The following NLRP2 variants were observed in gnomAD, a reference collection of about 807,000 sequenced individuals.
The protein encoded by NLRP2 is NACHT, LRR and PYD domains-containing protein 2.
NLRP2 carries 107 observed loss-of-function variants against 97.2 expected under a neutral mutation model. The ratio of observed to expected loss-of-function variants is 1.10; its 90% confidence interval spans 0.94 to 1.29. NLRP2 has a LOEUF of 1.29. NLRP2 is among the 50% of genes most tolerant of loss of function. The pLI, the probability that NLRP2 is intolerant of heterozygous loss-of-function variation, is 0.00. For synonymous variants in NLRP2, 663 were observed against 551.5 expected, an observed-to-expected ratio of 1.20 and a Z score of -2.83; for missense variants, 1,495 against 1,330.3, an observed-to-expected ratio of 1.12 and a Z score of -1.93.
chr19:54,980,055 G>A (rs775683410), intron 4 of NLRP2, among the ~76,000 whole-genome samples: 20 of 152,024 alleles, frequency 1.3e-4, no homozygotes, highest in Non-Finnish European at 2.5e-4. Flanking sequence ...GATGACAGGC[G>A]TGAGCCACTG....
chr19:54,969,526 G>A (rs1178304339), intron 1 of NLRP2, among the ~76,000 whole-genome samples: 1 of 151,170 alleles, frequency 6.6e-6, no homozygotes, highest in Non-Finnish European at 1.5e-5. Context: ...GTGGTGGTGG[G>A]TGCCCATAAT....
At position 54,983,691 on chromosome 19, in the gene NLRP2, A is replaced by G. The variant is rs1424780558; in HGVS notation, c.1993A>G (p.Asn665Asp). ...GGTAATAAAGGAGAATCTCCCGGAG[A>G]ATGTCACTGCGTCTGAATCAGACGC... ...LQVIKENLPE[N>D]VTASESDAEV... The change falls in exon 6 of 13, where the codon AAT becomes GAT. Residue 665 changes from asparagine to aspartate, a missense_variant. Transcript: ENST00000448584. 1 of 1,613,350 alleles carries G rather than the reference A, an allele frequency of 6.2e-7. No individual in the cohort carries two copies. The highest frequency in any genetic ancestry group is 8.5e-7 in the Non-Finnish European group (1 of 1,180,006).
rs753543825 is a variant in NLRP2, at chr19:54,990,150, A to C, written c.2495A>C (p.Tyr832Ser). The change falls in exon 9 of 13, where the codon TAC becomes TCC. Residue 832 changes from tyrosine (Y) to serine (S), a missense_variant. Physicochemically the swap from Tyr to Ser is moderately radical, Grantham distance 144. Transcript: ENST00000448584. ...ELLDEGAKLL[Y>S]TTLRHPKCFL... ...CTGGATGAGGGTGCTAAGTTGCTGT[A>C]CACAACTTTGAGACACCCCAAGTGC... 6 of 1,614,110 alleles carry C rather than the reference A, an allele frequency of 3.7e-6. No individual in the cohort carries two copies. The Admixed American group carries it at 1.0e-4, about 27-fold the overall frequency.
At chr19:54,989,590 G>A (rs1364501379) in intron 8 of NLRP2, 1 of 277,662 alleles carries the variant, frequency 3.6e-6, no homozygotes, top group Admixed American at 4.8e-5. Flanking sequence ...CCACTGGTCT[G>A]ACCACCCTTT....
chr19:55,000,592 T>A (rs1427265971), intron 12 of NLRP2, among the ~76,000 whole-genome samples, 168 bp from the exon 13 acceptor site: 1,334 of 119,890 alleles, frequency 0.011, 15 homozygotes, highest in African/African-American at 0.038. Flanking sequence ...GACTGTCTTT[T>A]AAAAAAAAAA....
intron 3 of NLRP2, among the ~76,000 whole-genome samples, chr19:54,976,401 G>T (rs556147349): frequency 2.7e-5 from 4 of 150,732 alleles, no homozygotes; most frequent in Non-Finnish European, 5.9e-5. Context: ...ACCCAGGCTG[G>T]AGTGCAGTGG....
intron 6 of NLRP2, 138 bp from the exon 7 acceptor site, chr19:54,984,909 T>C: frequency 1.2e-6 from 1 of 807,352 alleles, no homozygotes; most frequent in Non-Finnish European, 2.2e-6. Context: ...AGTTGTCTGA[T>C]GGTGGTGCTA....
chr19:54,994,828 C>G (rs1390989625), intron 11 of NLRP2, among the ~76,000 whole-genome samples: 1 of 151,692 alleles, frequency 6.6e-6, no homozygotes, highest in East Asian at 2.0e-4. Context: ...AGGTTCATCT[C>G]AAACTCCTGA....
chr19:54,989,381 A>T (rs888297733), intron 8 of NLRP2, among the ~76,000 whole-genome samples: 1 of 152,048 alleles, frequency 6.6e-6, no homozygotes, highest in Admixed American at 6.6e-5. Context: ...CTGAGGCGGG[A>T]GAATCTCTTG....
Position 54,982,971 on chromosome 19 carries a change from C to G in NLRP2, c.1273C>G (p.Arg425Gly), listed in dbSNP as rs780979692. Residue 425 changes from arginine (R) to glycine (G), a missense_variant, in exon 6 of 13, where the codon CGC becomes GGC. Arg to Gly is a moderately radical substitution (Grantham distance 125). Transcript: ENST00000448584. Reference protein sequence around the residue: ...GEDPVPTCLTRTGLFLRFLCS... With the variant: ...GEDPVPTCLTGTGLFLRFLCS... ...GGACCCGGTCCCCACCTGCCTCACCCGCACGGGGCTGTTCCTGCGTTTCCT... is the reference window on the plus strand; with the variant it reads ...GGACCCGGTCCCCACCTGCCTCACCGGCACGGGGCTGTTCCTGCGTTTCCT... 1 of 1,611,438 alleles carries G rather than the reference C, an allele frequency of 6.2e-7. No individual in the cohort carries two copies. The highest frequency in any genetic ancestry group is 8.5e-7 in the Non-Finnish European group (1 of 1,179,666).
rs761373612 is a variant in NLRP2 at position 54,982,576 on chromosome 19, T to C, written c.878T>C (p.Leu293Pro). 2 of 1,614,170 alleles carry C rather than the reference T, an allele frequency of 1.2e-6. No homozygotes were observed. Among genetic ancestry groups the C allele is most frequent in the Non-Finnish European group, 8.5e-7 (1 of 1,180,020 alleles). ...TTCGTGATTGACGGCTTTGATGAGC[T>C]GGGAGCCGCACCTGGGGCGCTGATC... Reference protein sequence around the residue: ...ILFVIDGFDELGAAPGALIED... With the variant: ...ILFVIDGFDEPGAAPGALIED... Residue 293 changes from leucine (L) to proline (P), a missense_variant, in exon 6 of 13, where the codon CTG becomes CCG. By Grantham distance (98) the Leu-to-Pro change is moderately conservative. Coordinates refer to ENST00000448584, the MANE Select transcript of NLRP2 (RefSeq NM_017852.5).
intron 11 of NLRP2, among the ~76,000 whole-genome samples, chr19:54,996,054 CA>C (rs1013592892): frequency 6.0e-5 from 7 of 115,900 alleles, no homozygotes; most frequent in Non-Finnish European, 1.1e-4. Context: ...AAAAAAAAAA[CA>C]AAAAAAACAA....
Position 54,974,687 on chromosome 19 carries a change from G to C in NLRP2, c.325+143G>C, listed in dbSNP as rs703469. The C allele has an allele frequency of 1.4e-3, 989 of 692,106 alleles. 5 individuals carry two copies. The African/African-American group carries it at 0.016, about 11-fold the overall frequency. The allele number at this position is 692,106 out of a possible 1,614,324, so 42.9% of individuals were successfully genotyped here. A position where few individuals can be genotyped will look rare whatever the true frequency, so the allele number is the denominator to read the frequency against. On this transcript the variant is annotated intron_variant, in intron 3 of 12. Transcript: ENST00000448584. Reference sequence around the variant, plus strand: ...CTGCTCCCAGGGCGGAGCTGGTCTCGCAGGTGCGTAGCAGTAAGACCTGGG... The same window carrying C: ...CTGCTCCCAGGGCGGAGCTGGTCTCCCAGGTGCGTAGCAGTAAGACCTGGG...
chr19:54,968,902 T>C (rs918311443), intron 1 of NLRP2, among the ~76,000 whole-genome samples: 16 of 151,704 alleles, frequency 1.1e-4, no homozygotes, highest in Non-Finnish European at 1.9e-4. Context: ...GGGGTTTCAC[T>C]GTGTTAGCCA....
intron 10 of NLRP2, 117 bp from the exon 11 acceptor site, chr19:54,994,152 T>C: frequency 9.0e-7 from 1 of 1,113,576 alleles, no homozygotes. Context: ...ATGATTCCAT[T>C]TCCATGTCAC....
chr19:54,978,845 TA>T (rs78482875), intron 4 of NLRP2, among the ~76,000 whole-genome samples: 28,296 of 136,200 alleles, frequency 0.21, 3,085 homozygotes, highest in East Asian at 0.38. Flanking sequence ...GACTCCATCT[TA>T]AAAAAAAAAA....
intron 1 of NLRP2, among the ~76,000 whole-genome samples, chr19:54,968,997 G>A (rs962612586): frequency 2.6e-5 from 4 of 152,086 alleles, no homozygotes; most frequent in African/African-American, 7.2e-5. Context: ...CACCGCGCCC[G>A]GCTGTGTGTT....
In NLRP2 at chr19:54,990,566, C is replaced by A; in HGVS notation, c.2602C>A (p.Arg868=). 2 of 1,613,960 alleles carry A rather than the reference C, an allele frequency of 1.2e-6. No individual in the cohort carries two copies. The highest frequency in any genetic ancestry group is 1.7e-6 in the Non-Finnish European group (2 of 1,179,894). The stretch of plus-strand genomic sequence containing the variant: ...CCTTGCTGCTGTGTTGGTTGTCAGC[C>A]GGGAGCTGACACACCTGTGCTTGGC... ...KDLAAVLVVS[R]ELTHLCLAKN... is the part of the protein sequence containing the mutation. The change falls in exon 10 of 13, where the codon CGG becomes AGG. Residue 868 remains arginine, a synonymous_variant. Transcript: ENST00000448584.
chr19:54,979,216 C>T (rs1334207111), intron 4 of NLRP2, among the ~76,000 whole-genome samples: 4 of 152,050 alleles, frequency 2.6e-5, no homozygotes, highest in Non-Finnish European at 4.4e-5. Context: ...AACTCCTGAC[C>T]TCAAGTGATC....
Sources: allele counts gnomAD v4.1 joint callset (sites outside exome capture counted in the v4.1 genomes callset), GRCh38; gene constraint gnomAD v4.1.1; transcripts MANE v1.5; gene names NCBI Gene and HGNC (gene_info 2026-07-23, HGNC 2026-07-21).